SMC6: variants seen among roughly 807,000 people sequenced by gnomAD.
SMC6 encodes the protein structural maintenance of chromosomes 6.
SMC6 carries 79 observed loss-of-function variants against 142.2 expected under a neutral mutation model. The ratio of observed to expected loss-of-function variants is 0.56; its 90% CI spans 0.46 to 0.67. The LOEUF (loss-of-function observed/expected upper bound fraction) is 0.67, where lower values mean the gene tolerates loss of function less well. Among genes scored for constraint, SMC6 ranks in the 30% least tolerant of loss-of-function variants. The pLI is 0.00. For missense variants in SMC6, 1,072 were observed against 1,284.0 expected (o/e 0.83, Z 2.52); for synonymous variants, 411 against 412.4 (o/e 1.00, Z 0.04).
chr2:17,683,286 A>G (rs939833809), intron 24 of SMC6, among the ~76,000 whole-genome samples: 2 of 152,216 alleles, frequency 1.3e-5, no homozygotes, highest in Admixed American at 6.5e-5. Flanking sequence ...TGGTAAATCA[A>G]CTGAGGTATT....
At chr2:17,715,972 T>A in intron 15 of SMC6, 114 bp downstream of exon 15, 1 of 910,844 alleles carries the variant, frequency 1.1e-6, no homozygotes, top group South Asian at 3.2e-5. Flanking sequence ...AAGCTTTATA[T>A]AATTTCATTA....
At chr2:17,679,507 G>A (rs1667146255) in intron 24 of SMC6, 1 of 152,128 alleles carries the variant, frequency 6.6e-6, no homozygotes, top group African/African-American at 2.4e-5. Flanking sequence ...CTATATATTA[G>A]ATGGCATTTT....
At chr2:17,712,533 A>T (rs1668878176) in intron 16 of SMC6, among the ~76,000 whole-genome samples, 1 of 152,158 alleles carries the variant, frequency 6.6e-6, no homozygotes, top group Non-Finnish European at 1.5e-5. Flanking sequence ...AAGAAACAAG[A>T]CCATCTTTAC....
chr2:17,728,410 G>T (rs982872611), intron 7 of SMC6, among the ~76,000 whole-genome samples: 1 of 152,028 alleles, frequency 6.6e-6, no homozygotes, highest in Non-Finnish European at 1.5e-5. Flanking sequence ...TTCCAGCCTG[G>T]GCGACAGAGT....
At chr2:17,736,066 C>A (rs1353065569) in intron 5 of SMC6, among the ~76,000 whole-genome samples, 1 of 151,834 alleles carries the variant, frequency 6.6e-6, no homozygotes, top group African/African-American at 2.4e-5. Context: ...GCTGATTCTG[C>A]AAAAAAGTGA....
At chr2:17,726,605 G>A in intron 7 of SMC6, 136 bp from the exon 8 acceptor site, 1 of 576,704 alleles carries the variant, frequency 1.7e-6, no homozygotes, top group Non-Finnish European at 3.0e-6. Context: ...ATAACGTTAG[G>A]ATAAAAATAC....
Position 17,725,246 on chromosome 2 carries a change from T to C in SMC6, c.726+11A>G. The C allele has an allele frequency of 6.3e-7, 1 of 1,584,448 alleles. No homozygotes were observed. Among genetic ancestry groups the C allele is most frequent in the Middle Eastern group, 1.7e-4 (1 of 5,906 alleles). ...TGATCTCAAAAAGATTTACATTAAC[T>C]GTTTACAAACCTCTTCTCCTTGATG... On this transcript the variant is annotated intron_variant, in intron 9 of 27. Coordinates refer to ENST00000448223, the MANE Select transcript of SMC6 (RefSeq NM_001142286.2).
At chr2:17,726,918 A>G in intron 7 of SMC6, among the ~76,000 whole-genome samples, 1 of 152,196 alleles carries the variant, frequency 6.6e-6, no homozygotes, top group East Asian at 1.9e-4. Context: ...GCCTTGGATA[A>G]GTCAGTTACT....
intron 2 of SMC6, among the ~76,000 whole-genome samples, chr2:17,751,234 A>G (rs1572374361): frequency 6.6e-6 from 1 of 152,122 alleles, no homozygotes; most frequent in East Asian, 1.9e-4. Flanking sequence ...TCATCCCAGC[A>G]CTTTGGGAGG....
intron 16 of SMC6, 98 bp downstream of exon 16, chr2:17,714,763 T>A (rs992511194): frequency 4.2e-5 from 52 of 1,229,422 alleles, no homozygotes; most frequent in Non-Finnish European, 5.8e-5. Flanking sequence ...TACAAATCAG[T>A]GGTAAAGATA....
chr2:17,672,011 A>C (rs555757990), intron 25 of SMC6, among the ~76,000 whole-genome samples: 1 of 152,258 alleles, frequency 6.6e-6, no homozygotes, highest in East Asian at 1.9e-4. Context: ...TAATATTAAC[A>C]TTATTAATAT....
Position 17,753,060 on chromosome 2 carries a change from C to A in SMC6, c.-88G>T. ...TCCCAATTGGGATTCTTCTCCGGTT[C>A]ATTTCTGTAAGAAATGAGGGCAGAG... On this transcript the variant is annotated 5_prime_UTR_variant, in exon 2 of 28. It removes an upstream start codon present in the reference 5' UTR. Coordinates refer to ENST00000448223, the MANE Select transcript of SMC6 (RefSeq NM_001142286.2). The A allele has an allele frequency of 9.2e-6, 9 of 982,358 alleles. No homozygotes were observed. Among genetic ancestry groups the A allele is most frequent in the Non-Finnish European group, 1.1e-5 (9 of 827,158 alleles). 60.9% of individuals were successfully genotyped at this position (982,358 alleles called of 1,614,324 possible).
chr2:17,727,755 T>C (rs1320882272), intron 7 of SMC6, among the ~76,000 whole-genome samples: 4 of 152,190 alleles, frequency 2.6e-5, no homozygotes, highest in East Asian at 3.8e-4. Context: ...CTTTAAACCC[T>C]TCATGTTCAC....
chr2:17,678,808 GA>G (rs1572254045), intron 25 of SMC6, 50 bp downstream of exon 25: 3 of 1,335,710 alleles, frequency 2.2e-6, no homozygotes, highest in Non-Finnish European at 3.1e-6. Flanking sequence ...GAAAAGAAAA[GA>G]AACAACTAGT....
At chr2:17,740,698 T>C (rs78018987) in intron 4 of SMC6, 52 of 442,862 alleles carry the variant, frequency 1.2e-4, no homozygotes, top group Middle Eastern at 1.4e-3. Flanking sequence ...CTACTAAAAA[T>C]ACAAAAATTA....
intron 2 of SMC6, among the ~76,000 whole-genome samples, chr2:17,749,615 G>A (rs1670923921): frequency 6.6e-6 from 1 of 152,132 alleles, no homozygotes; most frequent in African/African-American, 2.4e-5. Flanking sequence ...TTAAACCCAG[G>A]AGGCGGAGGT....
intron 16 of SMC6, among the ~76,000 whole-genome samples, chr2:17,712,380 T>A (rs1295684770): frequency 3.3e-5 from 5 of 152,032 alleles, no homozygotes; most frequent in African/African-American, 1.2e-4. Context: ...GTTAATAGAG[T>A]CAGGCAAGAA....
At chr2:17,731,597 CGT>C (rs3217290) in intron 6 of SMC6, 142 bp downstream of exon 6, 20,835 of 651,436 alleles carry the variant, frequency 0.032, 11 homozygotes, top group South Asian at 0.044. Context: ...AACATATGCA[CGT>C]GTGTGTGTGT....
At chr2:17,700,762 T>C (rs1347210336) in intron 20 of SMC6, among the ~76,000 whole-genome samples, 1 of 152,122 alleles carries the variant, frequency 6.6e-6, no homozygotes, top group African/African-American at 2.4e-5. Context: ...CCAGGTGCAG[T>C]GGCTCATGCG....
Sources: allele counts gnomAD v4.1 joint callset (sites outside exome capture counted in the v4.1 genomes callset), GRCh38; gene constraint gnomAD v4.1.1; transcripts MANE v1.5; gene names NCBI Gene and HGNC (gene_info 2026-07-23, HGNC 2026-07-21).